Variants in JCAD observed in about 807,000 individuals in gnomAD.
The protein encoded by JCAD is junctional cadherin 5-associated protein.
JCAD carries 40 observed loss-of-function variants against 98.0 expected under a neutral mutation model. The observed-to-expected ratio is 0.41, with a 90% CI of 0.32 to 0.53. The LOEUF is 0.53. Among genes scored for constraint, JCAD ranks in the 20% least tolerant of loss-of-function variants. The probability of loss-of-function intolerance (pLI) is 0.31; values close to 1 mark genes in which losing one functional copy is unlikely to be tolerated. For missense variants in JCAD, 1,705 were observed against 1,738.1 expected, an observed-to-expected ratio of 0.98 and a Z score of 0.34; for synonymous variants, 691 against 682.3, an observed-to-expected ratio of 1.01 and a Z score of -0.20.
chr10:30,062,451 TG>T (rs1837714545), upstream of JCAD, among the ~76,000 whole-genome samples: 1 of 152,094 alleles, frequency 6.6e-6, no homozygotes, highest in Admixed American at 6.6e-5. Flanking sequence ...GGTGAGGCTG[TG>T]GATGTGGGGA....
Position 30,016,056 on chromosome 10 carries a change from C to A in JCAD, c.*1827G>T, listed in dbSNP as rs1836524999. 1.3e-5 allele frequency: 2 copies of A among 152,258 alleles called. No individual in the cohort carries two copies. The highest frequency in any genetic ancestry group is 1.5e-5 in the Non-Finnish European group (1 of 68,026). 9.4% of individuals were successfully genotyped at this position (152,258 alleles called of 1,614,324 possible). Reference sequence around the variant, plus strand: ...TTCATAAGAGCTGAATTCTGGACTGCAGATAAGTGTTTTGAAAAGGCTTGG... The same window carrying A: ...TTCATAAGAGCTGAATTCTGGACTGAAGATAAGTGTTTTGAAAAGGCTTGG... On this transcript the variant is annotated 3_prime_UTR_variant, in exon 4 of 4. Coordinates refer to ENST00000375377, the MANE Select transcript of JCAD (RefSeq NM_020848.4).
At chr10:30,078,529 G>C (rs768659345) in intron 1 of JCAD, among the ~76,000 whole-genome samples, 30 of 152,244 alleles carry the variant, frequency 2.0e-4, no homozygotes, top group Admixed American at 4.6e-4. Flanking sequence ...TGGCTGAATG[G>C]CTGGACAAAA....
intron 1 of JCAD, among the ~76,000 whole-genome samples, chr10:30,058,686 G>C (rs1337375536): frequency 6.6e-6 from 1 of 152,212 alleles, no homozygotes; most frequent in Non-Finnish European, 1.5e-5. Flanking sequence ...CCCGACTGGA[G>C]ACGGGGGAAG....
Position 30,013,587 on chromosome 10 carries a change from T to C in JCAD, c.*4296A>G, listed in dbSNP as rs913368739. On this transcript the variant is annotated 3_prime_UTR_variant, in exon 4 of 4. Transcript: ENST00000375377. The stretch of plus-strand genomic sequence containing the variant: ...TCCTTGCTCCGTGACAATGAATGTC[T>C]CACATCTCGGCTCTGCTGCGGGGCA... 1.1e-4 allele frequency: 17 copies of C among 152,254 alleles called. No individual in the cohort carries two copies. The highest frequency in any genetic ancestry group is 4.1e-4 in the African/African-American group (17 of 41,452). The allele number at this position is 152,254 out of a possible 1,614,324, so 9.4% of individuals were successfully genotyped here. A position where few individuals can be genotyped will look rare whatever the true frequency, so the allele number is the denominator to read the frequency against.
intron 2 of JCAD, among the ~76,000 whole-genome samples, chr10:30,045,616 C>T (rs943230938): frequency 5.3e-5 from 8 of 152,172 alleles, no homozygotes; most frequent in African/African-American, 1.4e-4. Context: ...TTATCTGAAC[C>T]CTCAGACAAC....
chr10:30,013,151 G>A lies in JCAD; in HGVS notation c.*4732C>T, dbSNP rs955675644. The A allele has an allele frequency of 2.0e-5, 3 of 152,266 alleles. No homozygotes were observed. Among genetic ancestry groups the A allele is most frequent in the African/African-American group, 7.2e-5 (3 of 41,430 alleles). 9.4% of individuals were successfully genotyped at this position (152,266 alleles called of 1,614,324 possible). A position where few individuals can be genotyped will look rare whatever the true frequency, so the allele number is the denominator to read the frequency against. ...CCAAAGAAAAAATGAAGAGATGAAAGTTTCTGTGGTTAGCTGGGCATGGTG... is the reference window on the plus strand; with the variant it reads ...CCAAAGAAAAAATGAAGAGATGAAAATTTCTGTGGTTAGCTGGGCATGGTG... On this transcript the variant is annotated 3_prime_UTR_variant, in exon 4 of 4. Transcript: ENST00000375377.
At chr10:30,074,297 G>C (rs1476752745) in intron 1 of JCAD, among the ~76,000 whole-genome samples, 1 of 152,146 alleles carries the variant, frequency 6.6e-6, no homozygotes, top group East Asian at 1.9e-4. Context: ...TGGCCAAGCA[G>C]AGAGGAATGG....
Position 30,071,547 on chromosome 10 carries a change from G to A in JCAD, n.129-1726C>T, listed in dbSNP as rs187032035. Among the ~76,000 whole-genome samples, 674 of 152,278 alleles carry A rather than the reference G, an allele frequency of 4.4e-3. 9 individuals are homozygous for A. In the South Asian group the frequency reaches 0.048, roughly 11 times the overall value. ...AGGCCGGGTGCAGTGGCTCACGGCTGTAATCCCAGCACTTTGGGAGGCCGA... is the reference window on the plus strand; with the variant it reads ...AGGCCGGGTGCAGTGGCTCACGGCTATAATCCCAGCACTTTGGGAGGCCGA... On this transcript the variant is annotated intron_variant and non_coding_transcript_variant, in intron 1 of 2. Transcript: ENST00000465712.
At position 30,092,125 on chromosome 10, in the gene JCAD, T is replaced by TATAA. The variant is rs1427852641; in HGVS notation, n.129-22305_129-22304insTTAT. Reference sequence around the variant, plus strand: ...ATATATATATATATATATATATATATAAAAAACATTTTAACTCTTTGCAAG... The same window carrying TATAA: ...ATATATATATATATATATATATATATATAAAAAAAACATTTTAACTCTTTGCAAG... On this transcript the variant is annotated intron_variant and non_coding_transcript_variant, in intron 1 of 2. Coordinates refer to the JCAD transcript ENST00000465712. 7.0e-3 allele frequency among the ~76,000 whole-genome samples: 736 copies of TATAA among 104,914 alleles called. 19 individuals carry two copies. Among genetic ancestry groups the TATAA allele is most frequent in the Middle Eastern group, 0.015 (3 of 196 alleles). The allele number at this position is 104,914 out of a possible 152,430, so 68.8% of individuals were successfully genotyped here.
In JCAD at chr10:30,026,986, G is replaced by T; in HGVS notation, c.3162C>A (p.Thr1054=). Residue 1054 remains threonine, a synonymous_variant, in exon 3 of 4, where the codon ACC becomes ACA. Coordinates refer to ENST00000375377, the MANE Select transcript of JCAD (RefSeq NM_020848.4). ...CACTGGCACCCTGTTCTTGCCCAGG[G>T]GTGAGCCCCACAGACCGTAAGTCTG... ...SAPDLRSVGL[T]PGQEQGASEL... The T allele has an allele frequency of 6.2e-7, 1 of 1,614,194 alleles. No homozygotes were observed. Among genetic ancestry groups the T allele is most frequent in the African/African-American group, 1.3e-5 (1 of 75,062 alleles).
At chr10:30,104,180 A>G (rs1838523797) in intron 1 of JCAD, among the ~76,000 whole-genome samples, 1 of 152,162 alleles carries the variant, frequency 6.6e-6, no homozygotes, top group Non-Finnish European at 1.5e-5. Flanking sequence ...GTAAGTCCTG[A>G]GAGGGTTGCA....
At chr10:30,100,147 G>T (rs942000458) in intron 1 of JCAD, among the ~76,000 whole-genome samples, 2 of 152,106 alleles carry the variant, frequency 1.3e-5, no homozygotes, top group African/African-American at 4.8e-5. Context: ...CTGTAAAGGC[G>T]CACCCTTCTA....
intron 1 of JCAD, among the ~76,000 whole-genome samples, chr10:30,092,320 A>G (rs1838297694): frequency 6.6e-6 from 1 of 151,224 alleles, no homozygotes; most frequent in African/African-American, 2.4e-5. Context: ...GATAAGTGGC[A>G]GGAAGGACTG....
intron 1 of JCAD, among the ~76,000 whole-genome samples, chr10:30,110,455 T>C (rs911230432): frequency 6.6e-6 from 1 of 152,006 alleles, no homozygotes; most frequent in Non-Finnish European, 1.5e-5. Flanking sequence ...CCCTGATGTA[T>C]GGACCAGCTG....
intron 1 of JCAD, 43 bp from the exon 2 acceptor site, chr10:30,047,914 A>G (rs2132644352): frequency 3.8e-6 from 5 of 1,318,222 alleles, no homozygotes; most frequent in Non-Finnish European, 5.2e-6. Flanking sequence ...AGGTCTCCCT[A>G]GAGGTCAGTC....
intron 1 of JCAD, among the ~76,000 whole-genome samples, chr10:30,107,764 C>A (rs1354795523): frequency 1.3e-5 from 2 of 152,094 alleles, no homozygotes; most frequent in Non-Finnish European, 2.9e-5. Flanking sequence ...GATGAGGTAT[C>A]TAAATTAATG....
intron 1 of JCAD, among the ~76,000 whole-genome samples, chr10:30,057,353 G>C (rs1837593560): frequency 6.6e-6 from 1 of 152,140 alleles, no homozygotes; most frequent in Admixed American, 6.6e-5. Context: ...TTAAAAATTA[G>C]ACTACAAGAA....
chr10:30,072,803 C>T (rs1398598364), intron 1 of JCAD, among the ~76,000 whole-genome samples: 2 of 152,122 alleles, frequency 1.3e-5, no homozygotes, highest in East Asian at 3.8e-4. Context: ...AGGTGCCTGC[C>T]ACCACGCCTA....
chr10:30,051,284 G>GCACACACACACACA lies in JCAD; in HGVS notation c.-59-3427_-59-3414dup, dbSNP rs58845322. Among the ~76,000 whole-genome samples, 13 of 146,764 alleles carry GCACACACACACACA rather than the reference G, an allele frequency of 8.9e-5. 1 individual carries two copies. Among genetic ancestry groups the GCACACACACACACA allele is most frequent in the African/African-American group, 3.0e-4 (12 of 40,320 alleles). ...CGCACACACGCACGCACACACGCAC[G>GCACACACACACACA]CACACACACACACACACACACACAA... On this transcript the variant is annotated intron_variant, in intron 1 of 3. Coordinates refer to ENST00000375377, the MANE Select transcript of JCAD (RefSeq NM_020848.4).
Sources: allele counts gnomAD v4.1 joint callset (sites outside exome capture counted in the v4.1 genomes callset), GRCh38; gene constraint gnomAD v4.1.1; transcripts MANE v1.5; gene names NCBI Gene and HGNC (gene_info 2026-07-23, HGNC 2026-07-21).